Variants in TBCD observed in about 807,000 individuals in gnomAD.
TBCD encodes the protein tubulin-specific chaperone D.
TBCD carries 105 observed loss-of-function variants against 169.3 expected under a neutral mutation model. The ratio of observed to expected loss-of-function variants is 0.62; its 90% CI spans 0.53 to 0.73. The LOEUF (loss-of-function observed/expected upper bound fraction) is 0.73. Among genes scored for constraint, TBCD ranks in the 30% least tolerant of loss-of-function variants. TBCD has a pLI of 0.00. For synonymous variants in TBCD, 700 were observed against 643.9 expected, an observed-to-expected ratio of 1.09 and a Z score of -1.32; for missense variants, 1,444 against 1,600.1, an observed-to-expected ratio of 0.90 and a Z score of 1.66.
chr17:82,788,570 C>T (rs1324468949), intron 7 of TBCD, among the ~76,000 whole-genome samples: 1 of 152,186 alleles, frequency 6.6e-6, no homozygotes, highest in East Asian at 1.9e-4. Flanking sequence ...AAAATAGTCA[C>T]ACACAACAGC....
intron 30 of TBCD, among the ~76,000 whole-genome samples, chr17:82,928,778 T>G (rs1415397348): frequency 6.7e-6 from 1 of 150,214 alleles, no homozygotes; most frequent in Non-Finnish European, 1.5e-5. Flanking sequence ...ATCACTCTTC[T>G]CCACCCGCTC....
At chr17:82,780,270 C>G (rs566475607) in intron 6 of TBCD, among the ~76,000 whole-genome samples, 1 of 152,214 alleles carries the variant, frequency 6.6e-6, no homozygotes, top group Non-Finnish European at 1.5e-5. Context: ...CTCTCTCTAA[C>G]GAGGCCATGC....
intron 15 of TBCD, among the ~76,000 whole-genome samples, chr17:82,888,047 C>G (rs1419880575): frequency 6.6e-6 from 1 of 152,252 alleles, no homozygotes; most frequent in East Asian, 1.9e-4. Flanking sequence ...TTTCCGTCCT[C>G]TTCATAGGGC....
In TBCD at chr17:82,864,847, T is replaced by C. The variant is rs1599033195; in HGVS notation, c.1319-5377T>C. Among the ~76,000 whole-genome samples the C allele has an allele frequency of 3.1e-5, 1 of 32,040 alleles. No individual in the cohort carries two copies. Among genetic ancestry groups the C allele is most frequent in the South Asian group, 6.8e-4 (1 of 1,460 alleles). The allele number at this position is 32,040 out of a possible 152,430, so 21.0% of individuals were successfully genotyped here. On this transcript the variant is annotated intron_variant, in intron 13 of 38. Transcript: ENST00000355528. This position sits in a 1 kb window ranked among gnomAD's most constrained non-coding sequence, Gnocchi z 6.3. Reference sequence around the variant, plus strand: ...CACCGTGGGGACAGCGGGGGCCTGCTCACTCCCCGGGGCACCGTGGGGACA... The same window carrying C: ...CACCGTGGGGACAGCGGGGGCCTGCCCACTCCCCGGGGCACCGTGGGGACA...
At chr17:82,830,255 G>T in intron 13 of TBCD, 1 of 1,614,210 alleles carries the variant, frequency 6.2e-7, no homozygotes, top group Non-Finnish European at 8.5e-7. Context: ...GTCCTCTTTT[G>T]TCCTTTGGGT....
At chr17:82,891,610 A>G (rs1292361330) in intron 16 of TBCD, among the ~76,000 whole-genome samples, 4 of 152,234 alleles carry the variant, frequency 2.6e-5, no homozygotes, top group African/African-American at 9.6e-5. Context: ...GTCGCATAGC[A>G]CACAGGGAAG....
chr17:82,812,416 C>A (rs1018054013), intron 12 of TBCD, among the ~76,000 whole-genome samples: 2 of 152,156 alleles, frequency 1.3e-5, no homozygotes, highest in African/African-American at 4.8e-5. Context: ...GTGATGTGTT[C>A]ATTCAAAAGT....
chr17:82,757,285 G>A (rs1167079238), intron 2 of TBCD, among the ~76,000 whole-genome samples: 2 of 152,192 alleles, frequency 1.3e-5, no homozygotes, highest in East Asian at 3.9e-4. Context: ...CTCTTAAAGA[G>A]TAGTTTGTGC....
chr17:82,841,998 C>T (rs116438641), intron 13 of TBCD, among the ~76,000 whole-genome samples: 1,951 of 152,366 alleles, frequency 0.013, 53 homozygotes, highest in African/African-American at 0.044. Context: ...TCCAGTCCTC[C>T]AGAAGGCTGG....
chr17:82,887,131 C>CTGTGTGTGTGTGTGTGTGTGTGTG (rs771003321), intron 15 of TBCD, among the ~76,000 whole-genome samples: 1 of 123,362 alleles, frequency 8.1e-6, no homozygotes, highest in Non-Finnish European at 1.7e-5. Context: ...TACCTGTACT[C>CTGTGTGTGTGTGTGTGTGTGTGTG]TGTGTGTGTG....
At chr17:82,850,671 G>A (rs1430140083) in intron 13 of TBCD, among the ~76,000 whole-genome samples, 1 of 152,102 alleles carries the variant, frequency 6.6e-6, no homozygotes, top group African/African-American at 2.4e-5. Flanking sequence ...TTGGTTGTGT[G>A]TGCTGACCCC....
chr17:82,926,577 C>A, intron 28 of TBCD, 86 bp downstream of exon 28: 2 of 1,154,044 alleles, frequency 1.7e-6, no homozygotes, highest in Non-Finnish European at 2.5e-6. Context: ...TGCTCAGAGG[C>A]AGGACTTATG....
rs942120290 is a variant in TBCD, at chr17:82,890,461, C to T, written c.1563+764C>T. On this transcript the variant is annotated intron_variant, in intron 16 of 38. Transcript: ENST00000355528. This position sits in a 1 kb window ranked among gnomAD's most constrained non-coding sequence, Gnocchi z 5.3. ...GCGGCATGGGGTGGACGTGGGCCTG[C>T]GGACCCTTCTGACCTGTGGGGAGCC... Among the ~76,000 whole-genome samples, 15 of 152,140 alleles carry T rather than the reference C, an allele frequency of 9.9e-5. No homozygotes were observed. The highest frequency in any genetic ancestry group is 3.4e-4 in the African/African-American group (14 of 41,438).
intron 13 of TBCD, among the ~76,000 whole-genome samples, chr17:82,856,750 G>A (rs1414971979): frequency 1.4e-5 from 2 of 148,076 alleles, no homozygotes; most frequent in African/African-American, 5.1e-5. Flanking sequence ...GCGGACCCTC[G>A]CTGCGCATCC....
chr17:82,836,325 A>G (rs1400383316), intron 13 of TBCD, among the ~76,000 whole-genome samples: 5 of 152,238 alleles, frequency 3.3e-5, no homozygotes, highest in Admixed American at 1.3e-4. Context: ...TCAGGTTCCC[A>G]TGATTGTATA....
At chr17:82,886,487 C>T (rs1310063523) in intron 15 of TBCD, among the ~76,000 whole-genome samples, 11 of 151,768 alleles carry the variant, frequency 7.2e-5, no homozygotes, top group African/African-American at 2.7e-4. Flanking sequence ...GGGCCCCGTT[C>T]ACTCACAGTT....
intron 30 of TBCD, among the ~76,000 whole-genome samples, chr17:82,928,880 T>A (rs1208941080): frequency 6.6e-6 from 1 of 152,100 alleles, no homozygotes; most frequent in Admixed American, 6.5e-5. Flanking sequence ...ACGTAGCATG[T>A]ATTTGCTGCG....
At chr17:82,779,122 A>T (rs1011024209) in intron 6 of TBCD, among the ~76,000 whole-genome samples, 3 of 149,698 alleles carry the variant, frequency 2.0e-5, no homozygotes, top group Non-Finnish European at 3.0e-5. Context: ...AGTGATTCTC[A>T]TGCCTCAGCC....
chr17:82,828,551 G>GC lies in TBCD; in HGVS notation c.1318+13625dup, dbSNP rs11364632. On this transcript the variant is annotated intron_variant, in intron 13 of 38. Coordinates refer to ENST00000355528, the MANE Select transcript of TBCD (RefSeq NM_005993.5). ...CGTGCACACCGGCACAATGGAATGT[G>GC]CCCCCCCCGATTGCACACGTGCACA... 5.4e-3 allele frequency among the ~76,000 whole-genome samples: 730 copies of GC among 135,772 alleles called. 5 individuals carry two copies. Among genetic ancestry groups the GC allele is most frequent in the Non-Finnish European group, 7.3e-3 (462 of 63,644 alleles). 89.1% of individuals were successfully genotyped at this position (135,772 alleles called of 152,430 possible).
Sources: gnomAD v4.1 joint callset for allele counts (sites outside exome capture counted in the v4.1 genomes callset) on GRCh38, gnomAD v4.1.1 for gene constraint, Gnocchi (gnomAD v3.1) non-coding constraint, MANE v1.5 for transcripts, NCBI Gene and HGNC (gene_info 2026-07-23, HGNC 2026-07-21) for gene names.